The following MAML3 variants were observed in gnomAD, a reference collection of about 807,000 sequenced individuals.
MAML3 encodes mastermind like transcriptional coactivator 3, also known as mastermind-like protein 3.
MAML3 carries 27 observed loss-of-function variants against 101.9 expected under a neutral mutation model. The observed-to-expected ratio is 0.27, with a 90% CI of 0.20 to 0.37. The LOEUF (loss-of-function observed/expected upper bound fraction) is 0.37. Ranked by LOEUF, MAML3 falls within the 10% of genes least tolerant of loss-of-function variation. The pLI, the probability that MAML3 is intolerant of heterozygous loss-of-function variation, is 1.00. For synonymous variants in MAML3, 501 were observed against 555.9 expected (o/e 0.90, Z 1.39); for missense variants, 1,316 against 1,444.9 (o/e 0.91, Z 1.45).
At chr4:139,931,839 G>A (rs140390634) in intron 1 of MAML3, among the ~76,000 whole-genome samples, 7,948 of 150,866 alleles carry the variant, frequency 0.053, 646 homozygotes, top group African/African-American at 0.17. Context: ...GTGAAACGCC[G>A]TCTCTACTAA....
At chr4:140,062,701 A>G (rs1185574499) in intron 1 of MAML3, among the ~76,000 whole-genome samples, 5 of 152,230 alleles carry the variant, frequency 3.3e-5, no homozygotes, top group African/African-American at 4.8e-5. Context: ...TCACATATAC[A>G]ATACAAATAG....
Position 140,153,079 on chromosome 4 carries a change from G to A in MAML3, c.249C>T (p.Gly83=). ...CGCAGTTGACGTGGTGCCGACGGCA[G>A]CCCTCGATGCGCTGGCGGAGCCGCT... The part of the protein sequence containing the change: ...VVERLRQRIE[G]CRRHHVNCEN... The change falls in exon 1 of 5, where the codon GGC becomes GGT. Residue 83 remains glycine, a synonymous_variant. Transcript: ENST00000509479. The A allele has an allele frequency of 6.4e-7, 1 of 1,558,488 alleles. No individual in the cohort carries two copies. Among genetic ancestry groups the A allele is most frequent in the South Asian group, 1.2e-5 (1 of 85,194 alleles).
intron 3 of MAML3, among the ~76,000 whole-genome samples, chr4:139,729,031 A>C (rs1728592080): frequency 6.6e-6 from 1 of 152,012 alleles, no homozygotes; most frequent in Non-Finnish European, 1.5e-5. Flanking sequence ...AGAGATTAGC[A>C]TGGCTCCTTG....
intron 1 of MAML3, among the ~76,000 whole-genome samples, chr4:139,948,967 G>A (rs895931257): frequency 1.3e-5 from 2 of 152,066 alleles, no homozygotes; most frequent in Non-Finnish European, 2.9e-5. Flanking sequence ...CAGCCTCTAC[G>A]CCTTATTGAC....
chr4:140,027,594 G>C (rs947251958), intron 1 of MAML3, among the ~76,000 whole-genome samples: 1 of 152,130 alleles, frequency 6.6e-6, no homozygotes, highest in African/African-American at 2.4e-5. Flanking sequence ...TCTCTCGTTC[G>C]CGTCTACAAA....
chr4:139,746,961 T>C (rs1042137680), intron 2 of MAML3, among the ~76,000 whole-genome samples: 2 of 152,012 alleles, frequency 1.3e-5, no homozygotes, highest in Non-Finnish European at 2.9e-5. Flanking sequence ...TCTTAAGAAA[T>C]TGTGGGCCAC....
At chr4:140,025,033 G>A (rs931346378) in intron 1 of MAML3, among the ~76,000 whole-genome samples, 1 of 152,162 alleles carries the variant, frequency 6.6e-6, no homozygotes, top group Non-Finnish European at 1.5e-5. Flanking sequence ...TTCAAAACAT[G>A]TTCCCTAATG....
chr4:140,152,314 C>T (rs1482292170), intron 1 of MAML3, among the ~76,000 whole-genome samples: 1 of 152,210 alleles, frequency 6.6e-6, no homozygotes, highest in East Asian at 1.9e-4. Flanking sequence ...GGAGAGGAGG[C>T]GAGAGGCTCT....
At chr4:139,952,425 T>C (rs1454759736) in intron 1 of MAML3, among the ~76,000 whole-genome samples, 1 of 152,184 alleles carries the variant, frequency 6.6e-6, no homozygotes, top group South Asian at 2.1e-4. Context: ...ACTTAATGTT[T>C]GGCCTCCTGC....
intron 1 of MAML3, among the ~76,000 whole-genome samples, chr4:139,925,971 C>G (rs1733219160): frequency 6.6e-6 from 1 of 151,998 alleles, no homozygotes; most frequent in Admixed American, 6.6e-5. Context: ...AGGAGGGCAG[C>G]CCACGGTCCT....
At chr4:139,862,625 T>G (rs1731803751) in intron 2 of MAML3, among the ~76,000 whole-genome samples, 1 of 152,210 alleles carries the variant, frequency 6.6e-6, no homozygotes, top group African/African-American at 2.4e-5. Flanking sequence ...TAAGAGTGGA[T>G]ACTCCTCCTC....
At chr4:139,994,070 TG>T (rs1313374954) in intron 1 of MAML3, among the ~76,000 whole-genome samples, 1 of 152,228 alleles carries the variant, frequency 6.6e-6, no homozygotes, top group East Asian at 1.9e-4. Context: ...GATATCCAAT[TG>T]TTCCTGATGA....
intron 1 of MAML3, among the ~76,000 whole-genome samples, chr4:139,971,494 T>C (rs1357768693): frequency 1.3e-5 from 2 of 152,196 alleles, no homozygotes; most frequent in East Asian, 1.9e-4. Flanking sequence ...AATTCAGAAA[T>C]ACAATAGCAT....
At chr4:140,074,971 A>G (rs1385997620) in intron 1 of MAML3, among the ~76,000 whole-genome samples, 1 of 152,236 alleles carries the variant, frequency 6.6e-6, no homozygotes, top group Non-Finnish European at 1.5e-5. Context: ...CTCATTATAT[A>G]TATGCAAATA....
intron 1 of MAML3, among the ~76,000 whole-genome samples, chr4:140,052,737 G>A (rs950722426): frequency 6.6e-6 from 1 of 151,984 alleles, no homozygotes; most frequent in African/African-American, 2.4e-5. Context: ...GTTTCACCAT[G>A]TTGCCCAGGC....
chr4:140,069,455 G>GGAGGAGGAGAAGGAGGAGAAGGAC (rs1465417221), intron 1 of MAML3, among the ~76,000 whole-genome samples: 10 of 125,294 alleles, frequency 8.0e-5, no homozygotes, highest in Admixed American at 2.5e-4. Flanking sequence ...AGGAGAAGGA[G>GGAGGAGGAGAAGGAGGAGAAGGAC]GAGAAGGAGA....
At chr4:139,730,718 T>C in intron 2 of MAML3, 51 bp from the exon 3 acceptor site, 2 of 1,536,430 alleles carry the variant, frequency 1.3e-6, no homozygotes, top group Non-Finnish European at 1.8e-6. Flanking sequence ...AGAGACTCAC[T>C]GCTGTTTGAA....
intron 2 of MAML3, among the ~76,000 whole-genome samples, chr4:139,855,272 C>G (rs1446887424): frequency 6.6e-6 from 1 of 152,176 alleles, no homozygotes; most frequent in Non-Finnish European, 1.5e-5. Context: ...GGGTCTGACA[C>G]ATTTGGAGGT....
At chr4:139,827,416 G>A (rs1051895275) in intron 2 of MAML3, among the ~76,000 whole-genome samples, 2 of 152,212 alleles carry the variant, frequency 1.3e-5, no homozygotes, top group African/African-American at 4.8e-5. Flanking sequence ...TCCTGACACA[G>A]TAACAGGAAT....
Sources: allele counts gnomAD v4.1 joint callset (sites outside exome capture counted in the v4.1 genomes callset), GRCh38; gene constraint gnomAD v4.1.1; transcripts MANE v1.5; gene names NCBI Gene and HGNC (gene_info 2026-07-23, HGNC 2026-07-21).